The following KCNJ16 variants were observed in gnomAD, a reference collection of about 807,000 sequenced individuals.
KCNJ16 encodes potassium inwardly rectifying channel subfamily J member 16, also known as inward rectifier potassium channel 16.
In KCNJ16, 15 loss-of-function variants were observed where a neutral mutation model predicts 18.5. The ratio of observed to expected loss-of-function variants is 0.81; its 90% CI spans 0.54 to 1.25. KCNJ16 has a LOEUF of 1.25. KCNJ16 is among the 50% of genes most tolerant of loss of function. KCNJ16 has a pLI of 0.00. For synonymous variants in KCNJ16, 174 were observed against 186.5 expected (o/e 0.93, Z 0.55); for missense variants, 523 against 525.7 (o/e 0.99, Z 0.05).
At chr17:70,099,185 T>C (rs1157615285) in intron 1 of KCNJ16, among the ~76,000 whole-genome samples, 1 of 152,196 alleles carries the variant, frequency 6.6e-6, no homozygotes, top group African/African-American at 2.4e-5. Flanking sequence ...CCCATGATTT[T>C]CACTTTTGTC....
intron 2 of KCNJ16, among the ~76,000 whole-genome samples, chr17:70,124,628 A>T (rs2073783888): frequency 2.0e-5 from 3 of 152,304 alleles, no homozygotes; most frequent in African/African-American, 7.2e-5. Context: ...AATCTAAGCA[A>T]CTTGGGCTAA....
rs202062164 is a variant in KCNJ16 at position 70,132,195 on chromosome 17, A to T, written c.108A>T (p.Leu36Phe). The T allele has an allele frequency of 1.9e-6, 3 of 1,614,254 alleles. No individual in the cohort carries two copies. The highest frequency in any genetic ancestry group is 2.5e-6 in the Non-Finnish European group (3 of 1,180,048). ...IAEKRRARRRLLHKDGSCNVY... is the reference protein window; with the variant it reads ...IAEKRRARRRFLHKDGSCNVY... Reference sequence around the variant, plus strand: ...AGAAGAGAAGAGCAAGAAGACGATTACTTCACAAAGATGGCAGCTGTAATG... The same window carrying T: ...AGAAGAGAAGAGCAAGAAGACGATTTCTTCACAAAGATGGCAGCTGTAATG... Residue 36 changes from leucine (L) to phenylalanine (F), a missense_variant, in exon 4 of 4, where the codon TTA (leucine) becomes TTT (phenylalanine). Transcript: ENST00000392671.
intron 1 of KCNJ16, among the ~76,000 whole-genome samples, chr17:70,089,001 GT>G (rs1404069576): frequency 6.6e-6 from 1 of 152,078 alleles, no homozygotes; most frequent in Admixed American, 6.5e-5. Flanking sequence ...ATGAGAAAAG[GT>G]TTTTAGTCTC....
At chr17:70,115,217 G>T (rs1207287426) in intron 2 of KCNJ16, among the ~76,000 whole-genome samples, 1 of 152,104 alleles carries the variant, frequency 6.6e-6, no homozygotes, top group African/African-American at 2.4e-5. Context: ...ACAAGTGCAA[G>T]ATGTTCTCTT....
chr17:70,097,406 A>C (rs1383185382), intron 1 of KCNJ16, among the ~76,000 whole-genome samples: 1 of 152,188 alleles, frequency 6.6e-6, no homozygotes. Context: ...AAAAATTTTA[A>C]ATCAAAAAGT....
chr17:70,134,052 TG>T lies in KCNJ16; in HGVS notation c.*711del, dbSNP rs2074152696. The T allele has an allele frequency of 6.0e-6, 1 of 167,134 alleles. No homozygotes were observed. The highest frequency in any genetic ancestry group is 1.5e-5 in the Non-Finnish European group (1 of 68,134). 10.4% of individuals were successfully genotyped at this position (167,134 alleles called of 1,614,324 possible). A position where few individuals can be genotyped will look rare whatever the true frequency, so the allele number is the denominator to read the frequency against. On this transcript the variant is annotated 3_prime_UTR_variant, in exon 4 of 4. Coordinates refer to ENST00000392671, the MANE Select transcript of KCNJ16 (RefSeq NM_170741.4). ...AGCAGCATTTCTCTCTTAACGTTCC[TG>T]GGAGACTCCAACAAATGGAGACCAG...
intron 2 of KCNJ16, among the ~76,000 whole-genome samples, chr17:70,114,065 TA>T (rs1255037081): frequency 7.2e-5 from 11 of 152,140 alleles, no homozygotes; most frequent in Admixed American, 2.0e-4. Flanking sequence ...TCTTATATTT[TA>T]AGGCCTTCTT....
At position 70,132,448 on chromosome 17, in the gene KCNJ16, GC is replaced by G; in HGVS notation, c.363del (p.Leu123CysfsTer4). ...TGACAACGTCCATTCTTTCACAGGG[GC>G]CTTTTTGTTCTCCCTAGAGACCCAA... ...CVDNVHSFTG[A>X]FLFSLETQTT... On this transcript the variant is annotated frameshift_variant, in exon 4 of 4. Coordinates refer to ENST00000392671, the MANE Select transcript of KCNJ16 (RefSeq NM_170741.4). LOFTEE classifies it high-confidence loss of function. 6.2e-7 allele frequency: 1 copy of G among 1,614,042 alleles called. No individual in the cohort carries two copies. The highest frequency in any genetic ancestry group is 8.5e-7 in the Non-Finnish European group (1 of 1,179,992).
intron 2 of KCNJ16, among the ~76,000 whole-genome samples, chr17:70,123,628 G>C (rs1053441431): frequency 1.3e-5 from 2 of 151,980 alleles, no homozygotes; most frequent in African/African-American, 2.4e-5. Flanking sequence ...AACATTTTGA[G>C]ACAAATTGAC....
chr17:70,102,756 C>A (rs1306928927), intron 2 of KCNJ16, among the ~76,000 whole-genome samples: 1 of 152,130 alleles, frequency 6.6e-6, no homozygotes, highest in African/African-American at 2.4e-5. Context: ...GCTTTCAACA[C>A]TTCCTGTCAC....
intron 2 of KCNJ16, among the ~76,000 whole-genome samples, chr17:70,110,411 T>G (rs903680445): frequency 2.0e-5 from 3 of 152,012 alleles, no homozygotes; most frequent in Admixed American, 2.0e-4. Context: ...ACCTAGAGCC[T>G]ACGAGGAGAC....
intron 1 of KCNJ16, chr17:70,096,736 T>G (rs1180725863): frequency 5.3e-6 from 2 of 378,722 alleles, no homozygotes; most frequent in East Asian, 3.7e-5. Context: ...ACCTTCTCCT[T>G]TATTGAGAAT....
At chr17:70,105,075 G>C (rs1014111379) in intron 2 of KCNJ16, 3 of 152,618 alleles carry the variant, frequency 2.0e-5, no homozygotes, top group Admixed American at 6.5e-5. Context: ...CTTTCACTAA[G>C]GTAAGATCGT....
intron 1 of KCNJ16, among the ~76,000 whole-genome samples, chr17:70,092,539 T>TAC (rs67337513): frequency 0.63 from 64,833 of 103,018 alleles, 19,184 homozygotes; most frequent in Non-Finnish European, 0.67. Flanking sequence ...GACAGATAGA[T>TAC]ATAGATAGAT....
At chr17:70,115,918 T>C (rs188939277) in intron 2 of KCNJ16, among the ~76,000 whole-genome samples, 1 of 152,336 alleles carries the variant, frequency 6.6e-6, no homozygotes, top group East Asian at 1.9e-4. Flanking sequence ...GGGCTATTTA[T>C]AGCTGCCTTT....
chr17:70,083,943 T>TGAAATGAA (rs2071675872), intron 1 of KCNJ16, among the ~76,000 whole-genome samples: 1 of 152,042 alleles, frequency 6.6e-6, no homozygotes, highest in Non-Finnish European at 1.5e-5. Context: ...TGGTGTCCCA[T>TGAAATGAA]GGCTTTCGAG....
chr17:70,085,437 T>C (rs1311329105), intron 1 of KCNJ16, among the ~76,000 whole-genome samples: 2 of 152,224 alleles, frequency 1.3e-5, no homozygotes, highest in African/African-American at 4.8e-5. Flanking sequence ...ATTTGAACTA[T>C]GTAGTCATGT....
At chr17:70,116,149 G>GT (rs1187477226) in intron 2 of KCNJ16, among the ~76,000 whole-genome samples, 1 of 151,954 alleles carries the variant, frequency 6.6e-6, no homozygotes, top group Non-Finnish European at 1.5e-5. Flanking sequence ...ATATGATTCT[G>GT]TTTTTTCTCC....
At chr17:70,087,645 T>C (rs1405180126) in intron 1 of KCNJ16, among the ~76,000 whole-genome samples, 1 of 152,044 alleles carries the variant, frequency 6.6e-6, no homozygotes, top group Non-Finnish European at 1.5e-5. Context: ...AGGCAGAGGT[T>C]GTGGTGGGCC....
Sources: gnomAD v4.1 joint callset for allele counts (sites outside exome capture counted in the v4.1 genomes callset) on GRCh38, gnomAD v4.1.1 for gene constraint, MANE v1.5 for transcripts, NCBI Gene and HGNC (gene_info 2026-07-23, HGNC 2026-07-21) for gene names.